The following SMAD4 variants were observed in gnomAD, a reference collection of about 807,000 sequenced individuals.
The protein encoded by SMAD4 is SMAD family member 4.
In SMAD4, 7 loss-of-function variants were observed where a neutral mutation model predicts 63.2. That is an observed-to-expected ratio of 0.11 (90% CI 0.06 to 0.21). The LOEUF (loss-of-function observed/expected upper bound fraction) is 0.21. SMAD4 is among the 10% of genes least tolerant of loss of function. SMAD4 has a pLI of 1.00. For synonymous variants in SMAD4, 215 were observed against 235.4 expected, an observed-to-expected ratio of 0.91 and a Z score of 0.79; for missense variants, 312 against 693.8, an observed-to-expected ratio of 0.45 and a Z score of 6.18.
chr18:51,058,381 A>G lies in SMAD4; in HGVS notation c.829A>G (p.Thr277Ala), dbSNP rs1555685960. 3.1e-6 allele frequency: 5 copies of G among 1,613,858 alleles called. No individual in the cohort carries two copies. Among genetic ancestry groups the G allele is most frequent in the Non-Finnish European group, 4.2e-6 (5 of 1,179,976 alleles). ...GACTGGAAGTAGGACTGCACCATAC[A>G]CACCTAATTTGCCTCACCACCAAAA... is the stretch of plus-strand genomic sequence containing the variant. ...TWTGSRTAPY[T>A]PNLPHHQNGH... Residue 277 changes from threonine (T) to alanine (A), a missense_variant, in exon 7 of 12, where the codon ACA becomes GCA. Thr to Ala is a moderately conservative substitution (Grantham distance 58). Around this residue, in one of 4 missense-constraint regions of SMAD4, gnomAD observed 169 missense variants for 211.0 expected, o/e 0.80. Coordinates refer to ENST00000342988, the MANE Select transcript of SMAD4 (RefSeq NM_005359.6).
intron 10 of SMAD4, among the ~76,000 whole-genome samples, chr18:51,075,900 TAAAAG>T (rs944370637): frequency 2.0e-5 from 3 of 152,170 alleles, no homozygotes; most frequent in East Asian, 1.9e-4. Flanking sequence ...ATTTTATAGA[TAAAAG>T]AAACTCAGCC....
chr18:51,050,743 TTTTG>T (rs1328223050), intron 4 of SMAD4, among the ~76,000 whole-genome samples: 2 of 152,198 alleles, frequency 1.3e-5, no homozygotes, highest in East Asian at 3.9e-4. Context: ...TTAGCACCTT[TTTTG>T]TTTGTAGAAT....
At chr18:51,031,351 A>G (rs1909045516) in intron 1 of SMAD4, among the ~76,000 whole-genome samples, 1 of 152,246 alleles carries the variant, frequency 6.6e-6, no homozygotes, top group African/African-American at 2.4e-5. Flanking sequence ...AAGTGTGTTT[A>G]GTTAACCTGA....
intron 4 of SMAD4, chr18:51,054,209 A>G (rs1452987804): frequency 1.3e-5 from 2 of 153,282 alleles, no homozygotes; most frequent in Non-Finnish European, 2.9e-5. Context: ...TTTCATTTAT[A>G]ATTTTTCCGT....
At chr18:51,030,934 A>G (rs1909029667) in intron 1 of SMAD4, among the ~76,000 whole-genome samples, 1 of 152,006 alleles carries the variant, frequency 6.6e-6, no homozygotes, top group African/African-American at 2.4e-5. Context: ...CAGTAGTTTC[A>G]CGGTCGCCCC....
chr18:51,057,234 G>T (rs1223608541), intron 5 of SMAD4, among the ~76,000 whole-genome samples: 4 of 152,128 alleles, frequency 2.6e-5, no homozygotes, highest in Admixed American at 1.3e-4. Context: ...GGTGATGCCA[G>T]TTATAAATAA....
At chr18:51,070,673 C>T (rs1568209650) in intron 10 of SMAD4, among the ~76,000 whole-genome samples, 2 of 152,024 alleles carry the variant, frequency 1.3e-5, no homozygotes, top group South Asian at 2.1e-4. Flanking sequence ...TTAAAATGTG[C>T]GCTGTTCTGA....
chr18:51,030,817 G>A (rs1396307636), intron 1 of SMAD4, among the ~76,000 whole-genome samples, 194 bp downstream of exon 1: 2 of 151,648 alleles, frequency 1.3e-5, no homozygotes, highest in African/African-American at 4.8e-5. Context: ...GCCGGGCGGC[G>A]GTGCCTCGCG....
At chr18:51,075,760 ATTAT>A (rs1159051279) in intron 10 of SMAD4, among the ~76,000 whole-genome samples, 1 of 152,186 alleles carries the variant, frequency 6.6e-6, no homozygotes, top group Non-Finnish European at 1.5e-5. Flanking sequence ...TAAAAGTAAA[ATTAT>A]TTATTAACGC....
At chr18:51,042,573 T>G (rs1043659340) in intron 1 of SMAD4, among the ~76,000 whole-genome samples, 1 of 109,112 alleles carries the variant, frequency 9.2e-6, no homozygotes, top group African/African-American at 3.7e-5. Flanking sequence ...AGGTCTCACT[T>G]TGTTGCCAGG....
At chr18:51,048,281 C>T (rs1909604922) in intron 2 of SMAD4, among the ~76,000 whole-genome samples, 1 of 152,188 alleles carries the variant, frequency 6.6e-6, no homozygotes, top group African/African-American at 2.4e-5. Flanking sequence ...CCTTAGCCTC[C>T]TGAGTAGCTA....
intron 1 of SMAD4, among the ~76,000 whole-genome samples, chr18:51,042,691 C>T (rs1462027397): frequency 1.3e-5 from 2 of 151,828 alleles, no homozygotes; most frequent in South Asian, 2.1e-4. Flanking sequence ...CCACTGTACC[C>T]GGACTTGGTT....
Position 51,082,413 on chromosome 18 carries a change from C to A in SMAD4, c.*3946C>A. ...GTAAAAAGTCCATGGCCTTATTCAT[C>A]CACAAAGTGGCATCCTAGGCCCAGC... On this transcript the variant is annotated 3_prime_UTR_variant, in exon 12 of 12. Coordinates refer to ENST00000342988, the MANE Select transcript of SMAD4 (RefSeq NM_005359.6). 4.4e-6 allele frequency: 1 copy of A among 229,418 alleles called. No individual in the cohort carries two copies. Among genetic ancestry groups the A allele is most frequent in the Non-Finnish European group, 8.6e-6 (1 of 115,702 alleles). The allele number at this position is 229,418 out of a possible 1,614,324, so 14.2% of individuals were successfully genotyped here.
intron 8 of SMAD4, among the ~76,000 whole-genome samples, chr18:51,061,002 G>A (rs1015191199): frequency 1.3e-5 from 2 of 151,860 alleles, no homozygotes; most frequent in African/African-American, 4.8e-5. Flanking sequence ...GCCTCCCAAA[G>A]TGCTGGGATT....
intron 1 of SMAD4, 64 bp from the exon 2 acceptor site, chr18:51,046,856 A>C (rs554393420): frequency 3.0e-4 from 169 of 562,080 alleles, no homozygotes; most frequent in South Asian, 1.8e-3. Flanking sequence ...ATCTTTTCCC[A>C]AGTAGTCAGA....
intron 1 of SMAD4, among the ~76,000 whole-genome samples, chr18:51,035,794 A>G (rs1254476312): frequency 1.3e-5 from 2 of 152,172 alleles, no homozygotes; most frequent in African/African-American, 2.4e-5. Context: ...GTGCTGGGCT[A>G]TGGAGTAGTT....
chr18:51,039,407 T>C (rs1017609247), intron 1 of SMAD4, among the ~76,000 whole-genome samples: 1 of 152,204 alleles, frequency 6.6e-6, no homozygotes, highest in African/African-American at 2.4e-5. Context: ...CTCTTGACTT[T>C]GCTTTCTTTC....
At chr18:51,060,541 A>G (rs1909980146) in intron 8 of SMAD4, among the ~76,000 whole-genome samples, 1 of 152,236 alleles carries the variant, frequency 6.6e-6, no homozygotes, top group African/African-American at 2.4e-5. Flanking sequence ...AGATGCAAAT[A>G]TATTACTTCA....
intron 1 of SMAD4, among the ~76,000 whole-genome samples, chr18:51,033,913 C>G (rs138224416): frequency 1.3e-5 from 2 of 152,164 alleles, no homozygotes; most frequent in African/African-American, 4.8e-5. Context: ...CGGATTCTTA[C>G]AATTTATAAG....
Sources: gnomAD v4.1 joint callset for allele counts (sites outside exome capture counted in the v4.1 genomes callset) on GRCh38, gnomAD v4.1.1 for gene constraint, gnomAD v4.1.1 regional missense constraint, MANE v1.5 for transcripts, NCBI Gene and HGNC (gene_info 2026-07-23, HGNC 2026-07-21) for gene names.